The following MUSK variants were observed in gnomAD, a reference collection of about 807,000 sequenced individuals.
The protein encoded by MUSK is muscle, skeletal receptor tyrosine-protein kinase.
A neutral mutation model predicts 88.7 loss-of-function variants in MUSK; 55 were observed. The ratio of observed to expected loss-of-function variants is 0.62; its 90% CI spans 0.50 to 0.78. The LOEUF (loss-of-function observed/expected upper bound fraction) is 0.78. Among genes scored for constraint, MUSK ranks in the 30% least tolerant of loss-of-function variants. The pLI is 0.00. For missense variants in MUSK, 1,015 were observed against 1,074.3 expected (o/e 0.94, Z 0.77); for synonymous variants, 387 against 391.9 (o/e 0.99, Z 0.15).
At chr9:110,684,252 G>A (rs2076167032) in intron 2 of MUSK, among the ~76,000 whole-genome samples, 2 of 152,030 alleles carry the variant, frequency 1.3e-5, no homozygotes, top group Admixed American at 6.6e-5. Context: ...TTTTCCCAGT[G>A]TATGTTCTTG....
chr9:110,698,616 G>A (rs952907137), intron 5 of MUSK, among the ~76,000 whole-genome samples: 7 of 151,748 alleles, frequency 4.6e-5, no homozygotes, highest in African/African-American at 1.2e-4. Context: ...CGTTTCCCAC[G>A]TTTGCCTCCA....
At chr9:110,760,417 G>A (rs2077381884) in intron 7 of MUSK, among the ~76,000 whole-genome samples, 1 of 152,144 alleles carries the variant, frequency 6.6e-6, no homozygotes, top group Admixed American at 6.5e-5. Flanking sequence ...GCAGGAACAT[G>A]TATGGAACTG....
At position 110,682,739 on chromosome 9, in the gene MUSK, T is replaced by C. The variant is rs1435959892; in HGVS notation, c.145T>C (p.Cys49Arg). ...ALVEEVATFM[C>R]AVESYPQPEI... ...AGTTGAAGAAGTGGCTACTTTCATGTGTGCAGTGGAATCCTACCCCCAGCC... is the reference window on the plus strand; with the variant it reads ...AGTTGAAGAAGTGGCTACTTTCATGCGTGCAGTGGAATCCTACCCCCAGCC... Residue 49 changes from cysteine (C) to arginine (R), a missense_variant, in exon 2 of 15, where the codon TGT becomes CGT. Physicochemically the swap from Cys to Arg is radical, Grantham distance 180 (BLOSUM62 -3). Transcript: ENST00000374448. The C allele has an allele frequency of 1.2e-6, 2 of 1,612,940 alleles. No homozygotes were observed. Among genetic ancestry groups the C allele is most frequent in the East Asian group, 2.2e-5 (1 of 44,852 alleles).
intron 5 of MUSK, among the ~76,000 whole-genome samples, chr9:110,702,268 G>A (rs866309777): frequency 6.6e-5 from 10 of 151,990 alleles, no homozygotes; most frequent in African/African-American, 2.4e-4. Context: ...GTTTCTTATT[G>A]TTCTAAAGGT....
In MUSK at chr9:110,682,445, C is replaced by T. The variant is rs547256433; in HGVS notation, c.80-229C>T. 7.9e-5 allele frequency among the ~76,000 whole-genome samples: 12 copies of T among 152,166 alleles called. No individual in the cohort carries two copies. The South Asian group carries it at 2.3e-3, about 29-fold the overall frequency. On this transcript the variant is annotated intron_variant, in intron 1 of 14. Coordinates refer to ENST00000374448, the MANE Select transcript of MUSK (RefSeq NM_005592.4). Reference sequence around the variant, plus strand: ...CTTGGATCTGCCTCTCCTCGTATATCATAAACTCTAAGCCCTGCTCTCCTG... The same window carrying T: ...CTTGGATCTGCCTCTCCTCGTATATTATAAACTCTAAGCCCTGCTCTCCTG...
At chr9:110,732,541 C>A (rs1461643277) in intron 5 of MUSK, among the ~76,000 whole-genome samples, 1 of 151,972 alleles carries the variant, frequency 6.6e-6, no homozygotes, top group East Asian at 1.9e-4. Flanking sequence ...TTTTTTACCC[C>A]CTAATGCTAA....
chr9:110,677,356 T>C (rs1389843030), intron 1 of MUSK, among the ~76,000 whole-genome samples: 1 of 152,220 alleles, frequency 6.6e-6, no homozygotes, highest in African/African-American at 2.4e-5. Flanking sequence ...AAAATCAACA[T>C]GACCTCCTCA....
At chr9:110,726,449 G>C (rs1054127021) in intron 5 of MUSK, among the ~76,000 whole-genome samples, 1 of 152,050 alleles carries the variant, frequency 6.6e-6, no homozygotes, top group African/African-American at 2.4e-5. Flanking sequence ...TTCAAGTATA[G>C]TCCTGTATAG....
intron 11 of MUSK, among the ~76,000 whole-genome samples, chr9:110,784,459 A>G (rs1223938922): frequency 6.6e-6 from 1 of 152,160 alleles, no homozygotes; most frequent in Non-Finnish European, 1.5e-5. Context: ...TCAGCTCTAG[A>G]CAATCCTGAT....
intron 1 of MUSK, among the ~76,000 whole-genome samples, chr9:110,676,502 T>C (rs1219439829): frequency 3.3e-5 from 5 of 151,968 alleles, no homozygotes; most frequent in African/African-American, 1.2e-4. Context: ...ATCACCTAAA[T>C]AACTGGGCTC....
Position 110,668,853 on chromosome 9 carries a change from T to A in MUSK, c.-52T>A. On this transcript the variant is annotated 5_prime_UTR_variant, in exon 1 of 15. Transcript: ENST00000374448. ...TTTAAAATGTAAACTGTGGAGCCAT[T>A]TTCCTTGCGTTGTCCAGAAGGAACT... 1 of 1,436,464 alleles carries A rather than the reference T, an allele frequency of 7.0e-7. No homozygotes were observed. Among genetic ancestry groups the A allele is most frequent in the Non-Finnish European group, 9.8e-7 (1 of 1,019,248 alleles). The allele number at this position is 1,436,464 out of a possible 1,614,324, so 89.0% of individuals were successfully genotyped here.
At chr9:110,734,028 T>C (rs916746694) in intron 5 of MUSK, among the ~76,000 whole-genome samples, 2 of 152,050 alleles carry the variant, frequency 1.3e-5, no homozygotes, top group Non-Finnish European at 2.9e-5. Context: ...CAAGTTTCCA[T>C]GTTAAGAACA....
At position 110,788,776 on chromosome 9, in the gene MUSK, T is replaced by C. The variant is rs76724336; in HGVS notation, c.1927+938T>C. ...TTTTTAAAGTGTTAAAGCAGAGAAG[T>C]TGGAATGTGAGCTACAAAGTTTGAA... On this transcript the variant is annotated intron_variant, in intron 14 of 14. Coordinates refer to ENST00000374448, the MANE Select transcript of MUSK (RefSeq NM_005592.4). 2.2e-3 allele frequency among the ~76,000 whole-genome samples: 336 copies of C among 151,726 alleles called. No individual in the cohort carries two copies. In the East Asian group the frequency reaches 0.025, roughly 11 times the overall value.
intron 14 of MUSK, among the ~76,000 whole-genome samples, chr9:110,791,043 G>T (rs1000104614): frequency 6.6e-6 from 1 of 152,130 alleles, no homozygotes; most frequent in Non-Finnish European, 1.5e-5. Context: ...AAGACAAAAC[G>T]TGAAGAAAGT....
At chr9:110,768,541 T>C (rs1359938747) in intron 9 of MUSK, among the ~76,000 whole-genome samples, 1 of 152,162 alleles carries the variant, frequency 6.6e-6, no homozygotes, top group African/African-American at 2.4e-5. Context: ...TTCTACCATA[T>C]AAATCACTAA....
rs368331645 is a variant in MUSK, at chr9:110,692,639, A to T, written c.359-2764A>T. ...ATTCCTTTTACTTTTTCTTCATATT[A>T]TGAATGTGGTCTCCAGTATGACTAT... On this transcript the variant is annotated intron_variant, in intron 3 of 14. Transcript: ENST00000374448. 8.7e-4 allele frequency among the ~76,000 whole-genome samples: 132 copies of T among 151,428 alleles called. 3 individuals carry two copies. In the South Asian group the frequency reaches 0.022, roughly 25 times the overall value.
In MUSK at chr9:110,805,713, G is replaced by A. The variant is rs115831489; in HGVS notation, c.*4725G>A. 2.6e-5 allele frequency among the ~76,000 whole-genome samples: 4 copies of A among 151,820 alleles called. No homozygotes were observed. Among genetic ancestry groups the A allele is most frequent in the Non-Finnish European group, 5.9e-5 (4 of 67,830 alleles). On this transcript the variant is annotated 3_prime_UTR_variant, in exon 15 of 15. Transcript: ENST00000374448. ...TTTTCCCTAATGGATTTGTTAATAT[G>A]TTCAATTGTATGAATTTATTTCCTA...
chr9:110,739,452 T>C (rs1265994289), intron 6 of MUSK, among the ~76,000 whole-genome samples: 2 of 152,142 alleles, frequency 1.3e-5, no homozygotes, highest in East Asian at 3.9e-4. Context: ...TAACTAGTCT[T>C]AGCTAGTTTC....
chr9:110,752,205 C>T (rs946550070), intron 7 of MUSK, among the ~76,000 whole-genome samples: 11 of 152,184 alleles, frequency 7.2e-5, no homozygotes, highest in African/African-American at 2.7e-4. Context: ...TTGACCTGCT[C>T]TTGTGAGTTA....
Sources: gnomAD v4.1 joint callset for allele counts (sites outside exome capture counted in the v4.1 genomes callset) on GRCh38, gnomAD v4.1.1 for gene constraint, MANE v1.5 for transcripts, NCBI Gene and HGNC (gene_info 2026-07-23, HGNC 2026-07-21) for gene names.